The following CTCF variants were observed in gnomAD, a reference collection of about 807,000 sequenced individuals.
CTCF encodes the protein transcriptional repressor CTCF.
CTCF carries 7 observed loss-of-function variants against 72.3 expected under a neutral mutation model. That is an observed-to-expected ratio of 0.10 (90% CI 0.06 to 0.18). CTCF has a LOEUF of 0.18. Among genes scored for constraint, CTCF ranks in the 10% least tolerant of loss-of-function variants. The pLI is 1.00. For synonymous variants in CTCF, 374 were observed against 315.8 expected (o/e 1.18, Z -1.95); for missense variants, 516 against 949.1 (o/e 0.54, Z 6.00).
intron 2 of CTCF, among the ~76,000 whole-genome samples, chr16:67,585,095 G>T (rs944215057): frequency 6.6e-6 from 1 of 152,098 alleles, no homozygotes; most frequent in Admixed American, 6.6e-5. Flanking sequence ...GCCCAGTCTG[G>T]AGTGCAGTGG....
intron 2 of CTCF, among the ~76,000 whole-genome samples, chr16:67,584,575 C>T (rs558484386): frequency 6.6e-6 from 1 of 151,794 alleles, no homozygotes; most frequent in South Asian, 2.1e-4. Flanking sequence ...ATCCACCAGC[C>T]TTGGCCTCCC....
At chr16:67,571,762 CTTAA>C (rs1030178116) in intron 2 of CTCF, among the ~76,000 whole-genome samples, 1 of 152,086 alleles carries the variant, frequency 6.6e-6, no homozygotes, top group African/African-American at 2.4e-5. Flanking sequence ...TAAAAATTGT[CTTAA>C]TTTGAGTTAG....
chr16:67,599,215 T>C (rs1269724450), intron 2 of CTCF, among the ~76,000 whole-genome samples: 1 of 152,108 alleles, frequency 6.6e-6, no homozygotes, highest in African/African-American at 2.4e-5. Flanking sequence ...GCCAACGTGG[T>C]GAAACCTCGT....
chr16:67,636,785 C>T lies in CTCF; in HGVS notation c.1933C>T (p.Pro645Ser). 6.2e-7 allele frequency: 1 copy of T among 1,603,798 alleles called. No individual in the cohort carries two copies. Among genetic ancestry groups the T allele is most frequent in the Non-Finnish European group, 8.5e-7 (1 of 1,175,106 alleles). The stretch of plus-strand genomic sequence containing the variant: ...AGAGCCTCAGCCTGTGACCCCAGCC[C>T]CACCACCCGCCAAGAAGCGGAGAGG... ...EPEPQPVTPA[P>S]PPAKKRRGRP... The change falls in exon 11 of 12, where the codon CCA becomes TCA. Residue 645 changes from proline to serine, a missense_variant. Physicochemically the swap from Pro to Ser is moderately conservative, Grantham distance 74 (BLOSUM62 -1). Transcript: ENST00000264010.
intron 2 of CTCF, among the ~76,000 whole-genome samples, chr16:67,572,947 G>GCCCCC (rs1359051975): frequency 4.8e-5 from 2 of 41,520 alleles, no homozygotes; most frequent in African/African-American, 1.8e-4. Context: ...GCCCCCCCCC[G>GCCCCC]CCCCCCCCCC....
At chr16:67,588,776 T>G (rs2051700997) in intron 2 of CTCF, among the ~76,000 whole-genome samples, 1 of 152,092 alleles carries the variant, frequency 6.6e-6, no homozygotes, top group African/African-American at 2.4e-5. Flanking sequence ...AACCTCCACC[T>G]CCTGGGTTCA....
chr16:67,588,267 T>C (rs912316581), intron 2 of CTCF, among the ~76,000 whole-genome samples: 3 of 152,184 alleles, frequency 2.0e-5, no homozygotes, highest in African/African-American at 7.2e-5. Flanking sequence ...AAATCCTGCA[T>C]TATGTGTGTG....
chr16:67,577,487 G>C (rs1415372231), intron 2 of CTCF, among the ~76,000 whole-genome samples: 1 of 150,922 alleles, frequency 6.6e-6, no homozygotes, highest in Non-Finnish European at 1.5e-5. Context: ...GCCCAGGCTG[G>C]AGTGCAGTGG....
intron 6 of CTCF, 148 bp downstream of exon 6, chr16:67,620,965 T>G: frequency 1.7e-6 from 1 of 575,950 alleles, no homozygotes; most frequent in Non-Finnish European, 2.7e-6. Flanking sequence ...CTCCGGCATA[T>G]CCTCTGAATT....
At chr16:67,576,779 C>T (rs2051503634) in intron 2 of CTCF, among the ~76,000 whole-genome samples, 1 of 152,068 alleles carries the variant, frequency 6.6e-6, no homozygotes, top group South Asian at 2.1e-4. Flanking sequence ...ATCCGCCTGC[C>T]TCTGCCTCCG....
intron 2 of CTCF, among the ~76,000 whole-genome samples, chr16:67,593,181 T>G (rs1258306075): frequency 6.6e-6 from 1 of 151,862 alleles, no homozygotes; most frequent in Non-Finnish European, 1.5e-5. Context: ...CTCTTAAAAT[T>G]TTTTACAATT....
chr16:67,585,712 T>C lies in CTCF; in HGVS notation c.-10+14448T>C, dbSNP rs1432758724. ...AATCTCTGGAATAGCATGGTCACTATCACATATTTACAGAGGTATGATACA... is the reference window on the plus strand; with the variant it reads ...AATCTCTGGAATAGCATGGTCACTACCACATATTTACAGAGGTATGATACA... On this transcript the variant is annotated intron_variant, in intron 2 of 11. Coordinates refer to ENST00000264010, the MANE Select transcript of CTCF (RefSeq NM_006565.4). Among the ~76,000 whole-genome samples the C allele has an allele frequency of 2.0e-5, 3 of 152,184 alleles. No individual in the cohort carries two copies. The East Asian group carries it at 5.8e-4, about 29-fold the overall frequency.
intron 10 of CTCF, among the ~76,000 whole-genome samples, chr16:67,635,357 G>A (rs1305524995): frequency 6.6e-6 from 1 of 151,230 alleles, no homozygotes; most frequent in Admixed American, 6.6e-5. Context: ...GTAGAGACGG[G>A]GTTTCACCAT....
At chr16:67,604,724 A>C (rs12917818) in intron 2 of CTCF, among the ~76,000 whole-genome samples, 8 of 139,404 alleles carry the variant, frequency 5.7e-5, no homozygotes, top group Non-Finnish European at 1.2e-4. Flanking sequence ...AATTAATTTC[A>C]CCAGGGTTTT....
In CTCF at chr16:67,628,385, A is replaced by G; in HGVS notation, c.1534A>G (p.Met512Val). The G allele has an allele frequency of 6.2e-7, 1 of 1,614,172 alleles. No homozygotes were observed. The change falls in exon 9 of 12, where the codon ATG (methionine) becomes GTG (valine). Residue 512 changes from methionine to valine, a missense_variant. By Grantham distance (21) the Met-to-Val change is conservative. This residue lies in a region of CTCF where 81 missense variants were observed against 184.3 expected (regional missense o/e 0.44). Transcript: ENST00000264010. ...YACRQERHMI[M>V]HKRTHTGEKP... Reference sequence around the variant, plus strand: ...GCCGTTTCAGGAGAGGCACATGATCATGCACAAGCGCACCCACACCGGGGA... The same window carrying G: ...GCCGTTTCAGGAGAGGCACATGATCGTGCACAAGCGCACCCACACCGGGGA...
intron 3 of CTCF, 22 bp downstream of exon 3, chr16:67,611,635 T>C: frequency 1.3e-6 from 2 of 1,597,018 alleles, no homozygotes; most frequent in Non-Finnish European, 1.7e-6. Flanking sequence ...TTATCCATAG[T>C]GGTTTCATAA....
At chr16:67,629,875 C>T (rs1440876541) in intron 10 of CTCF, among the ~76,000 whole-genome samples, 2 of 145,492 alleles carry the variant, frequency 1.4e-5, no homozygotes, top group East Asian at 2.1e-4. Context: ...CCCGGGTTCA[C>T]GCCATTCTCC....
chr16:67,591,481 C>G (rs998874046), intron 2 of CTCF, among the ~76,000 whole-genome samples: 3 of 152,182 alleles, frequency 2.0e-5, no homozygotes, highest in African/African-American at 7.2e-5. Context: ...TTGTAGTCTA[C>G]AACTTTCCTG....
intron 2 of CTCF, among the ~76,000 whole-genome samples, chr16:67,608,795 A>G (rs534280762): frequency 1.3e-5 from 2 of 151,816 alleles, no homozygotes; most frequent in Admixed American, 6.6e-5. Context: ...GCACAGTACA[A>G]TGGCGCAATC....
Sources: gnomAD v4.1 joint callset for allele counts (sites outside exome capture counted in the v4.1 genomes callset) on GRCh38, gnomAD v4.1.1 for gene constraint, gnomAD v4.1.1 regional missense constraint, MANE v1.5 for transcripts, NCBI Gene and HGNC (gene_info 2026-07-23, HGNC 2026-07-21) for gene names.